Variants in SPATA13 observed in about 807,000 individuals in gnomAD.
SPATA13 encodes the protein spermatogenesis-associated protein 13.
Under a neutral mutation model 104.0 loss-of-function variants are expected in SPATA13, and 50 were observed. The ratio of observed to expected loss-of-function variants is 0.48; its 90% CI spans 0.38 to 0.61. The LOEUF (loss-of-function observed/expected upper bound fraction) is 0.61, where lower values mean the gene tolerates loss of function less well. Among genes scored for constraint, SPATA13 ranks in the 20% least tolerant of loss-of-function variants. SPATA13 has a pLI of 0.00. For synonymous variants in SPATA13, 606 were observed against 667.5 expected, an observed-to-expected ratio of 0.91 and a Z score of 1.42; for missense variants, 1,524 against 1,690.6, an observed-to-expected ratio of 0.90 and a Z score of 1.73.
Position 24,205,542 on chromosome 13 carries a change from T to A in SPATA13, c.-111-17277T>A, listed in dbSNP as rs531377245. On this transcript the variant is annotated intron_variant, in intron 1 of 12. Coordinates refer to ENST00000382108, the MANE Select transcript of SPATA13 (RefSeq NM_001166271.3). The surrounding 1 kb of genome is among the most constrained non-coding windows in gnomAD (Gnocchi z 4.1). ...TTTATCAATTCAATGCTATTCTGAT[T>A]AAATTACCATTAACATTCTTCACAG... 1.6e-4 allele frequency among the ~76,000 whole-genome samples: 24 copies of A among 152,312 alleles called. No individual in the cohort carries two copies. The highest frequency in any genetic ancestry group is 5.3e-4 in the African/African-American group (22 of 41,564).
At chr13:24,068,206 T>G (rs1879035515) in intron 3 of SPATA13, among the ~76,000 whole-genome samples, 1 of 152,184 alleles carries the variant, frequency 6.6e-6, no homozygotes, top group Non-Finnish European at 1.5e-5. Context: ...CTCCTCTATG[T>G]GTCCATGAGT....
At chr13:24,044,233 CTT>C (rs67709070) in intron 3 of SPATA13, among the ~76,000 whole-genome samples, 12,337 of 122,914 alleles carry the variant, frequency 0.1, 549 homozygotes, top group African/African-American at 0.16. Flanking sequence ...TTCTTTCTTT[CTT>C]TTTTTTTTTT....
At chr13:24,283,341 G>C (rs1034564423) in intron 4 of SPATA13, among the ~76,000 whole-genome samples, 2 of 152,150 alleles carry the variant, frequency 1.3e-5, no homozygotes, top group African/African-American at 4.8e-5. Flanking sequence ...CAGTCATTCC[G>C]TTGGAAAAAA....
At chr13:24,233,568 A>T (rs1872396290) in intron 2 of SPATA13, among the ~76,000 whole-genome samples, 1 of 152,172 alleles carries the variant, frequency 6.6e-6, no homozygotes, top group Non-Finnish European at 1.5e-5. Context: ...TCACATCATG[A>T]GTCTAAATGT....
intron 10 of SPATA13, among the ~76,000 whole-genome samples, chr13:24,295,912 C>T (rs1876748667): frequency 6.6e-6 from 1 of 152,132 alleles, no homozygotes; most frequent in African/African-American, 2.4e-5. Context: ...TCAAAAGTAG[C>T]AGAGCTGGAT....
At chr13:24,056,138 T>G (rs1407481681) in intron 3 of SPATA13, among the ~76,000 whole-genome samples, 2 of 152,226 alleles carry the variant, frequency 1.3e-5, no homozygotes, top group Non-Finnish European at 2.9e-5. Context: ...CCTCAGAATT[T>G]CACAGATGTT....
At chr13:24,284,064 A>AT (rs1875734678) in intron 4 of SPATA13, 71 bp from the exon 5 acceptor site, 3 of 1,534,018 alleles carry the variant, frequency 2.0e-6, no homozygotes, top group Non-Finnish European at 1.8e-6. Flanking sequence ...ATGTTACCAA[A>AT]TTTTTTCATC....
chr13:24,129,550 G>T (rs528751203), intron 3 of SPATA13, among the ~76,000 whole-genome samples: 1 of 152,304 alleles, frequency 6.6e-6, no homozygotes, highest in South Asian at 2.1e-4. Flanking sequence ...GTAGGGACAG[G>T]TTTGTTATTT....
chr13:24,102,765 C>T (rs9507243), intron 3 of SPATA13, among the ~76,000 whole-genome samples: 122,883 of 152,110 alleles, frequency 0.81, 52,105 homozygotes, highest in Non-Finnish European at 0.94. Context: ...TGAGCCACCA[C>T]GCCCAGCCAC....
intron 1 of SPATA13, among the ~76,000 whole-genome samples, chr13:24,199,290 G>GTGGGAAGC (rs1256618329): frequency 2.6e-5 from 4 of 152,314 alleles, no homozygotes; most frequent in Admixed American, 2.6e-4. Flanking sequence ...TCTTCGGAAG[G>GTGGGAAGC]TGGGAAGCTG....
chr13:24,099,785 A>G (rs928257364), intron 3 of SPATA13, among the ~76,000 whole-genome samples: 4 of 152,232 alleles, frequency 2.6e-5, no homozygotes, highest in African/African-American at 9.6e-5. Context: ...GGGTTTTTTT[A>G]AACAGATAAA....
intron 2 of SPATA13, among the ~76,000 whole-genome samples, chr13:24,235,386 G>T (rs1477003133): frequency 6.6e-6 from 1 of 152,228 alleles, no homozygotes; most frequent in Non-Finnish European, 1.5e-5. Context: ...CTCCAGAATA[G>T]AGTGATTGAA....
chr13:24,055,313 T>G (rs1380203342), intron 3 of SPATA13, among the ~76,000 whole-genome samples: 1 of 152,212 alleles, frequency 6.6e-6, no homozygotes, highest in Non-Finnish European at 1.5e-5. Context: ...GCGGGTACAG[T>G]GCATCGTGTA....
chr13:24,269,106 T>G (rs1874427897), intron 4 of SPATA13, among the ~76,000 whole-genome samples: 1 of 152,164 alleles, frequency 6.6e-6, no homozygotes, highest in South Asian at 2.1e-4. Context: ...ACGGCTAACA[T>G]TTATTAACCC....
chr13:24,124,066 G>A (rs950490386), intron 3 of SPATA13, among the ~76,000 whole-genome samples: 3 of 152,106 alleles, frequency 2.0e-5, no homozygotes, highest in Non-Finnish European at 4.4e-5. Context: ...AGAAAGCAAT[G>A]GGATTTGTCA....
intron 1 of SPATA13, among the ~76,000 whole-genome samples, chr13:24,176,455 G>T (rs879270144): frequency 1.3e-5 from 2 of 152,104 alleles, no homozygotes; most frequent in Non-Finnish European, 2.9e-5. Context: ...CATAGTATTT[G>T]CTCTCTTTTT....
intron 1 of SPATA13, among the ~76,000 whole-genome samples, chr13:24,171,537 C>T (rs1001865416): frequency 6.6e-6 from 1 of 152,214 alleles, no homozygotes; most frequent in Admixed American, 6.5e-5. Context: ...GAGCAGCATA[C>T]AGGGCTGATA....
intron 4 of SPATA13, among the ~76,000 whole-genome samples, chr13:24,259,589 A>G (rs1175726147): frequency 6.6e-6 from 1 of 152,198 alleles, no homozygotes; most frequent in Non-Finnish European, 1.5e-5. Flanking sequence ...TTAGAAATGG[A>G]AAAGATTTAC....
rs529591710 is a variant in SPATA13, at chr13:24,085,874, C to A, written c.-112+68173C>A. 2.0e-5 allele frequency among the ~76,000 whole-genome samples: 3 copies of A among 152,316 alleles called. No individual in the cohort carries two copies. The South Asian group carries it at 6.2e-4, about 32-fold the overall frequency. On this transcript the variant is annotated intron_variant, in intron 3 of 14. Coordinates refer to the SPATA13 transcript ENST00000424834. ...GGGTGCTATTAATAGTGCAAAGCAC[C>A]GGAACCAGGGCGCAGCCACAGAGTA...
Sources: allele counts gnomAD v4.1 joint callset (sites outside exome capture counted in the v4.1 genomes callset), GRCh38; gene constraint gnomAD v4.1.1; non-coding constraint Gnocchi (gnomAD v3.1); transcripts MANE v1.5; gene names NCBI Gene and HGNC (gene_info 2026-07-23, HGNC 2026-07-21).